The following ZFYVE1 variants were observed in gnomAD, a reference collection of about 807,000 sequenced individuals.
ZFYVE1 encodes the protein zinc finger FYVE-type containing 1, also known as zinc finger FYVE domain-containing protein 1.
ZFYVE1 carries 30 observed loss-of-function variants against 74.4 expected under a neutral mutation model. The observed-to-expected ratio is 0.40, with a 90% CI of 0.30 to 0.55. The LOEUF (loss-of-function observed/expected upper bound fraction) is 0.55, where lower values mean the gene tolerates loss of function less well. Among genes scored for constraint, ZFYVE1 ranks in the 20% least tolerant of loss-of-function variants. ZFYVE1 has a pLI of 0.42. For synonymous variants in ZFYVE1, 335 were observed against 385.1 expected, an observed-to-expected ratio of 0.87 and a Z score of 1.52; for missense variants, 703 against 1,011.6, an observed-to-expected ratio of 0.69 and a Z score of 4.14.
chr14:73,002,177 G>A (rs7149207), intron 2 of ZFYVE1, among the ~76,000 whole-genome samples: 2,533 of 152,174 alleles, frequency 0.017, 51 homozygotes, highest in East Asian at 0.048. Context: ...ACAATCAAAA[G>A]ACCACATAGT....
In ZFYVE1 at chr14:72,999,313, G is replaced by C. The variant is rs954553308; in HGVS notation, c.484-998C>G. Among the ~76,000 whole-genome samples, 3 of 152,122 alleles carry C rather than the reference G, an allele frequency of 2.0e-5. No individual in the cohort carries two copies. In the East Asian group the frequency reaches 5.8e-4, roughly 29 times the overall value. The stretch of plus-strand genomic sequence containing the variant: ...ATGGTGGCACATGCCTGTAATCCCA[G>C]CTACTCAGGAGGCTATGGCAGGAGA... On this transcript the variant is annotated intron_variant, in intron 2 of 11. Transcript: ENST00000556143.
chr14:73,007,402 T>C (rs866693303), intron 2 of ZFYVE1, among the ~76,000 whole-genome samples: 1 of 152,112 alleles, frequency 6.6e-6, no homozygotes, highest in Non-Finnish European at 1.5e-5. Context: ...ATTTTTTTTT[T>C]CTAAAGACAG....
intron 2 of ZFYVE1, among the ~76,000 whole-genome samples, chr14:73,018,040 C>A (rs1000007796): frequency 5.3e-5 from 8 of 152,206 alleles, no homozygotes; most frequent in Non-Finnish European, 1.5e-5. Flanking sequence ...TTCTTTCTAG[C>A]CTCGAACATG....
At chr14:72,974,335 G>T in intron 10 of ZFYVE1, 142 bp from the exon 11 acceptor site, 1 of 760,370 alleles carries the variant, frequency 1.3e-6, no homozygotes, top group Non-Finnish European at 2.2e-6. Context: ...GGTCTGTGCT[G>T]TGGGTCAGGT....
chr14:72,994,704 G>A (rs149250333), intron 3 of ZFYVE1, among the ~76,000 whole-genome samples: 10 of 152,166 alleles, frequency 6.6e-5, no homozygotes, highest in African/African-American at 2.4e-4. Flanking sequence ...CTCAATATTG[G>A]CCCTTTCAGA....
At chr14:73,018,586 G>T (rs909262407) in intron 2 of ZFYVE1, among the ~76,000 whole-genome samples, 2 of 152,034 alleles carry the variant, frequency 1.3e-5, no homozygotes, top group Non-Finnish European at 2.9e-5. Context: ...TTCCCCACTT[G>T]AATAGTAAGC....
intron 4 of ZFYVE1, among the ~76,000 whole-genome samples, chr14:72,991,784 A>G (rs2140361167): frequency 6.6e-6 from 1 of 152,332 alleles, no homozygotes; most frequent in East Asian, 1.9e-4. Context: ...AATCATTTTC[A>G]ATAGTTTTTC....
At chr14:73,014,896 G>A (rs1289959036) in intron 2 of ZFYVE1, among the ~76,000 whole-genome samples, 4 of 152,098 alleles carry the variant, frequency 2.6e-5, no homozygotes, top group Non-Finnish European at 5.9e-5. Context: ...AAATAGAAGT[G>A]GCACAGACAT....
intron 4 of ZFYVE1, among the ~76,000 whole-genome samples, chr14:72,991,650 G>A (rs1893616396): frequency 6.6e-6 from 1 of 152,126 alleles, no homozygotes; most frequent in Admixed American, 6.5e-5. Context: ...CATTAGGTAA[G>A]CGTCATCTTC....
chr14:72,995,264 T>C (rs1397350760), intron 3 of ZFYVE1, among the ~76,000 whole-genome samples: 2 of 152,124 alleles, frequency 1.3e-5, no homozygotes, highest in Non-Finnish European at 2.9e-5. Context: ...ACTTGACTAA[T>C]TGTTGTATTT....
chr14:73,007,820 T>C (rs17123350), intron 2 of ZFYVE1, among the ~76,000 whole-genome samples: 19,755 of 152,294 alleles, frequency 0.13, 1,589 homozygotes, highest in East Asian at 0.2. Flanking sequence ...ACAGCAAGTT[T>C]AGAAAATTTC....
chr14:72,973,147 C>T (rs1893078674), intron 11 of ZFYVE1, among the ~76,000 whole-genome samples: 1 of 152,136 alleles, frequency 6.6e-6, no homozygotes, highest in African/African-American at 2.4e-5. Context: ...CAGCAGACTC[C>T]AGGAGATGAC....
At chr14:73,012,783 A>G (rs1894116582) in intron 2 of ZFYVE1, among the ~76,000 whole-genome samples, 1 of 152,190 alleles carries the variant, frequency 6.6e-6, no homozygotes, top group Admixed American at 6.6e-5. Context: ...GAAACTCAGA[A>G]AGCATGCAAT....
intron 4 of ZFYVE1, 79 bp downstream of exon 4, chr14:72,993,064 C>G: frequency 7.1e-7 from 1 of 1,403,812 alleles, no homozygotes; most frequent in Non-Finnish European, 9.6e-7. Flanking sequence ...TCACCAGCAC[C>G]ACAAAAGCTG....
chr14:72,981,604 G>A (rs1893332052), intron 5 of ZFYVE1, among the ~76,000 whole-genome samples, 185 bp downstream of exon 5: 1 of 152,178 alleles, frequency 6.6e-6, no homozygotes, highest in African/African-American at 2.4e-5. Context: ...CCTCAGAAGT[G>A]TGGTTCCTAG....
At position 72,996,560 on chromosome 14, in the gene ZFYVE1, T is replaced by C. The variant is rs1594848915; in HGVS notation, c.988+1251A>G. 5.3e-5 allele frequency among the ~76,000 whole-genome samples: 8 copies of C among 152,252 alleles called. No homozygotes were observed. In the South Asian group the frequency reaches 1.7e-3, roughly 32 times the overall value. On this transcript the variant is annotated intron_variant, in intron 3 of 11. Coordinates refer to ENST00000556143, the MANE Select transcript of ZFYVE1 (RefSeq NM_021260.4). Reference sequence around the variant, plus strand: ...AGGTGTGAGCCACCACACCCAGCCCTACCTGCAGTTCTCTGAACGCAATTT... The same window carrying C: ...AGGTGTGAGCCACCACACCCAGCCCCACCTGCAGTTCTCTGAACGCAATTT...
At position 72,969,469 on chromosome 14, in the gene ZFYVE1, T is replaced by C. The variant is rs962372358; in HGVS notation, c.*1413A>G. ...GTCGAGATGCAGGAAGATTCCTTTA[T>C]GATGGCGAATTGGATGGTACACAGT... On this transcript the variant is annotated 3_prime_UTR_variant, in exon 12 of 12. Coordinates refer to ENST00000556143, the MANE Select transcript of ZFYVE1 (RefSeq NM_021260.4). 6.4e-6 allele frequency: 3 copies of C among 470,714 alleles called. No individual in the cohort carries two copies. The highest frequency in any genetic ancestry group is 5.9e-5 in the African/African-American group (3 of 50,640). The allele number at this position is 470,714 out of a possible 1,614,324, so 29.2% of individuals were successfully genotyped here.
intron 1 of ZFYVE1, among the ~76,000 whole-genome samples, chr14:73,025,877 G>A (rs1218964523): frequency 6.6e-6 from 1 of 152,028 alleles, no homozygotes; most frequent in Non-Finnish European, 1.5e-5. Flanking sequence ...GTCCTTGGAA[G>A]GACAGCCCTC....
At chr14:72,994,848 T>A (rs1437402353) in intron 3 of ZFYVE1, among the ~76,000 whole-genome samples, 1 of 152,212 alleles carries the variant, frequency 6.6e-6, no homozygotes, top group African/African-American at 2.4e-5. Context: ...TGGATATACT[T>A]AACTAATCAC....
Sources: gnomAD v4.1 joint callset for allele counts (sites outside exome capture counted in the v4.1 genomes callset) on GRCh38, gnomAD v4.1.1 for gene constraint, MANE v1.5 for transcripts, NCBI Gene and HGNC (gene_info 2026-07-23, HGNC 2026-07-21) for gene names.